The following DGKZ variants were observed in gnomAD, a reference collection of about 807,000 sequenced individuals.
DGKZ encodes the protein DAG kinase zeta.
In DGKZ, 45 loss-of-function variants were observed where a neutral mutation model predicts 142.5. The ratio of observed to expected loss-of-function variants is 0.32; its 90% CI spans 0.25 to 0.40. DGKZ has a LOEUF of 0.40. DGKZ is among the 10% of genes least tolerant of loss of function. DGKZ has a pLI of 1.00. For synonymous variants in DGKZ, 442 were observed against 527.0 expected, an observed-to-expected ratio of 0.84 and a Z score of 2.21; for missense variants, 755 against 1,306.5, an observed-to-expected ratio of 0.58 and a Z score of 6.51.
chr11:46,357,459 C>T (rs183450025), intron 1 of DGKZ, among the ~76,000 whole-genome samples: 2 of 152,334 alleles, frequency 1.3e-5, no homozygotes, highest in Admixed American at 1.3e-4. Context: ...TCCCCTTGTA[C>T]CCAACAAAGA....
At chr11:46,351,342 C>G (rs573865912) in intron 1 of DGKZ, among the ~76,000 whole-genome samples, 2 of 152,242 alleles carry the variant, frequency 1.3e-5, no homozygotes, top group Admixed American at 6.5e-5. Context: ...CTGCCCTTCA[C>G]GGTGCTCAAA....
chr11:46,360,248 A>G (rs777923223), intron 1 of DGKZ, among the ~76,000 whole-genome samples: 2 of 152,174 alleles, frequency 1.3e-5, no homozygotes, highest in Admixed American at 6.5e-5. Context: ...AGTGTTGTTT[A>G]TATTAACGTA....
exon 22 of DGKZ, chr11:46,376,115 C>G (rs766502472): frequency 6.2e-7 from 1 of 1,611,398 alleles, no homozygotes; most frequent in Non-Finnish European, 8.5e-7. Flanking sequence ...ACCTAGAGCT[C>G]TGCCGTGCCC....
At chr11:46,365,865 C>T (rs542374329) in intron 1 of DGKZ, 2 of 985,408 alleles carry the variant, frequency 2.0e-6, no homozygotes, top group African/African-American at 1.7e-5. Flanking sequence ...CATCAGCTTC[C>T]GGCAGGGCAG....
chr11:46,368,039 A>G (rs140123037), exon 4 of DGKZ: 11 of 1,613,892 alleles, frequency 6.8e-6, no homozygotes, highest in Non-Finnish European at 9.3e-6. Context: ...GCAGCCTGCA[A>G]GATTGTGGTG....
chr11:46,370,881 C>T (rs530262796), intron 6 of DGKZ, among the ~76,000 whole-genome samples: 1 of 151,984 alleles, frequency 6.6e-6, no homozygotes, highest in African/African-American at 2.4e-5. Flanking sequence ...GTCAGGAATT[C>T]GAGACCAGCC....
At chr11:46,375,127 C>T (rs760548232) in intron 19 of DGKZ, 82 bp downstream of exon 19, 155 of 1,317,810 alleles carry the variant, frequency 1.2e-4, no homozygotes, top group South Asian at 5.1e-4. Context: ...CCATGGGCCA[C>T]GGCGGCCTAG....
At chr11:46,373,973 G>C (rs948586785) in intron 14 of DGKZ, among the ~76,000 whole-genome samples, 184 bp from the exon 15 acceptor site, 23 of 152,252 alleles carry the variant, frequency 1.5e-4, no homozygotes, top group African/African-American at 5.5e-4. Context: ...AAATCCCCCA[G>C]GAGCCACCAG....
In DGKZ at chr11:46,334,782, A is replaced by G. The variant is rs528350368; in HGVS notation, c.212+1295A>G. On this transcript the variant is annotated intron_variant, in intron 1 of 30. Coordinates refer to the DGKZ transcript ENST00000343674. The stretch of plus-strand genomic sequence containing the variant: ...CCATCCCATGCCTCTGGCTGTAGGT[A>G]TGAATGTCCCCCTGGGGCAGGAGGA... Among the ~76,000 whole-genome samples, 50 of 152,260 alleles carry G rather than the reference A, an allele frequency of 3.3e-4. 1 individual carries two copies. The highest frequency in any genetic ancestry group is 2.9e-3 in the Admixed American group (45 of 15,302).
At chr11:46,377,664 G>A (rs1944710198) in intron 25 of DGKZ, 1 of 222,196 alleles carries the variant, frequency 4.5e-6, no homozygotes. Flanking sequence ...CTTTGGACGT[G>A]GATTCTCCCC....
intron 1 of DGKZ, among the ~76,000 whole-genome samples, chr11:46,335,770 C>T (rs1363210720): frequency 4.6e-5 from 7 of 152,338 alleles, no homozygotes; most frequent in African/African-American, 1.7e-4. Flanking sequence ...GACAGACAGA[C>T]AAGCCCTGGG....
At chr11:46,351,307 GC>G (rs1460983290) in intron 1 of DGKZ, among the ~76,000 whole-genome samples, 6 of 152,190 alleles carry the variant, frequency 3.9e-5, no homozygotes, top group African/African-American at 1.4e-4. Flanking sequence ...GCCCCTAGGA[GC>G]CTGAGCGTCT....
chr11:46,371,456 C>T (rs763204874), intron 7 of DGKZ, 31 bp from the exon 8 acceptor site: 1 of 1,602,024 alleles, frequency 6.2e-7, no homozygotes, highest in Non-Finnish European at 8.5e-7. Flanking sequence ...TGAACACGGT[C>T]CCGCTGAGCC....
chr11:46,373,160 T>C, intron 14 of DGKZ, 59 bp downstream of exon 14: 1 of 1,487,442 alleles, frequency 6.7e-7, no homozygotes, highest in Non-Finnish European at 8.9e-7. Context: ...GATCCCACTT[T>C]TCCACTTGCT....
chr11:46,356,047 G>C (rs572257127), intron 1 of DGKZ, among the ~76,000 whole-genome samples: 1 of 152,246 alleles, frequency 6.6e-6, no homozygotes, highest in Non-Finnish European at 1.5e-5. Flanking sequence ...GCCCGGCCAG[G>C]GTGTTAATAT....
chr11:46,379,111 G>A (rs747070539), exon 28 of DGKZ: 6 of 1,608,462 alleles, frequency 3.7e-6, no homozygotes, highest in South Asian at 1.1e-5. Context: ...GCTGGACCAC[G>A]GTGAGCCGGG....
chr11:46,354,923 T>C (rs939340407), intron 1 of DGKZ, among the ~76,000 whole-genome samples: 1 of 152,184 alleles, frequency 6.6e-6, no homozygotes, highest in African/African-American at 2.4e-5. Flanking sequence ...AACAGCAGCT[T>C]ATTTGCCCAG....
In DGKZ at chr11:46,367,618, C is replaced by A; in HGVS notation, c.271-34C>A. 1 of 1,565,760 alleles carries A rather than the reference C, an allele frequency of 6.4e-7. No individual in the cohort carries two copies. The highest frequency in any genetic ancestry group is 1.2e-5 in the South Asian group (1 of 83,996). ...CTGATGGGAGGGAGGGCTGGGCGGC[C>A]AGCGTGTGCTGAGCAAGCCCATCCC... On this transcript the variant is annotated intron_variant, in intron 2 of 30. Coordinates refer to ENST00000527911, the Ensembl canonical transcript of DGKZ. The surrounding 1 kb of genome is among the most constrained non-coding windows in gnomAD (Gnocchi z 4.1).
In DGKZ at chr11:46,367,772, C is replaced by T. The variant is rs1235598610; in HGVS notation, c.366+25C>T. 1 of 1,611,580 alleles carries T rather than the reference C, an allele frequency of 6.2e-7. No individual in the cohort carries two copies. The highest frequency in any genetic ancestry group is 1.1e-5 in the South Asian group (1 of 91,030). ...GGTGAGTGCTCGTAGGGGCACGCCG[C>T]CCCCTGCTGGTGGAGCCAGTAGCCG... is the stretch of plus-strand genomic sequence containing the variant. On this transcript the variant is annotated intron_variant, in intron 3 of 30. Coordinates refer to ENST00000527911, the Ensembl canonical transcript of DGKZ. This position sits in a 1 kb window ranked among gnomAD's most constrained non-coding sequence, Gnocchi z 4.1.
Sources: gnomAD v4.1 joint callset for allele counts (sites outside exome capture counted in the v4.1 genomes callset) on GRCh38, gnomAD v4.1.1 for gene constraint, Gnocchi (gnomAD v3.1) non-coding constraint, MANE v1.5 for transcripts, NCBI Gene and HGNC (gene_info 2026-07-23, HGNC 2026-07-21) for gene names.